RAB6B: variants seen among roughly 807,000 people sequenced by gnomAD.
RAB6B encodes RAB6B, member RAS oncogene family, also known as ras-related protein Rab-6B.
In RAB6B, 7 loss-of-function variants were observed where a neutral mutation model predicts 31.2. The ratio of observed to expected loss-of-function variants is 0.22; its 90% CI spans 0.13 to 0.42. RAB6B has a LOEUF of 0.42. Ranked by LOEUF, RAB6B falls within the 10% of genes least tolerant of loss-of-function variation. RAB6B has a pLI of 1.00. For synonymous variants in RAB6B, 105 were observed against 104.9 expected, an observed-to-expected ratio of 1.00 and a Z score of -0.01; for missense variants, 149 against 280.6, an observed-to-expected ratio of 0.53 and a Z score of 3.35.
At chr3:133,850,301 C>A (rs1013597892) in intron 2 of RAB6B, among the ~76,000 whole-genome samples, 1 of 151,866 alleles carries the variant, frequency 6.6e-6, no homozygotes, top group Non-Finnish European at 1.5e-5. Context: ...AATGTATAAC[C>A]CAAAATTACT....
chr3:133,875,288 A>G (rs1222951326), intron 1 of RAB6B, among the ~76,000 whole-genome samples: 1 of 148,582 alleles, frequency 6.7e-6, no homozygotes, highest in African/African-American at 2.5e-5. Context: ...GTGTGTGTGC[A>G]TGTGTTAAGA....
intron 1 of RAB6B, among the ~76,000 whole-genome samples, chr3:133,887,739 G>A (rs1170710407): frequency 6.6e-6 from 1 of 152,168 alleles, no homozygotes; most frequent in African/African-American, 2.4e-5. Flanking sequence ...GTATCTCCAA[G>A]CCAGAAGGGA....
chr3:133,844,893 T>C (rs1045061007), intron 2 of RAB6B, among the ~76,000 whole-genome samples: 6 of 150,956 alleles, frequency 4.0e-5, no homozygotes, highest in African/African-American at 1.5e-4. Flanking sequence ...CAGTGAGCCA[T>C]GATGACACTA....
intron 1 of RAB6B, among the ~76,000 whole-genome samples, chr3:133,878,517 T>C (rs2692680): frequency 0.32 from 48,449 of 152,014 alleles, 7,905 homozygotes; most frequent in South Asian, 0.37. Context: ...ACCAGCACAC[T>C]CTCACATCAA....
rs536535693 is a variant in RAB6B, at chr3:133,836,714, C to T, written c.495+1452G>A. On this transcript the variant is annotated intron_variant, in intron 6 of 7. Coordinates refer to ENST00000285208, the MANE Select transcript of RAB6B (RefSeq NM_016577.4). ...CCAAAGAGTAGCAGCCCAGTCTCTCCTGCATGCCCCCAGGGAGCAGGAAGG... is the reference window on the plus strand; with the variant it reads ...CCAAAGAGTAGCAGCCCAGTCTCTCTTGCATGCCCCCAGGGAGCAGGAAGG... 9.2e-5 allele frequency among the ~76,000 whole-genome samples: 14 copies of T among 152,200 alleles called. No homozygotes were observed. In the South Asian group the frequency reaches 2.9e-3, roughly 32 times the overall value.
intron 1 of RAB6B, among the ~76,000 whole-genome samples, chr3:133,874,221 T>A (rs1262640815): frequency 2.0e-5 from 3 of 152,232 alleles, no homozygotes; most frequent in Non-Finnish European, 4.4e-5. Flanking sequence ...TCTATAGTCA[T>A]GCTTTGCTTA....
At chr3:133,835,474 G>C (rs1339362466) in intron 6 of RAB6B, among the ~76,000 whole-genome samples, 1 of 26,652 alleles carries the variant, frequency 3.8e-5, no homozygotes, top group East Asian at 8.6e-4. Flanking sequence ...TGGGTTTTCT[G>C]TGTGTGTGTG....
chr3:133,889,442 A>T (rs187168559), intron 1 of RAB6B, among the ~76,000 whole-genome samples: 1,233 of 87,680 alleles, frequency 0.014, 32 homozygotes, highest in African/African-American at 0.022. Flanking sequence ...ATATATATAT[A>T]TATTTATTTT....
At position 133,895,773 on chromosome 3, in the gene RAB6B, C is replaced by T. The variant is rs1282057998; in HGVS notation, c.-307G>A. On this transcript the variant is annotated 5_prime_UTR_variant, in exon 1 of 8. Transcript: ENST00000285208. The stretch of plus-strand genomic sequence containing the variant: ...CCGAGGCGCGGCGCTGGGAGAGAGG[C>T]GCGGGCGGAGCGGGGCGCAGGGACG... 1.3e-5 allele frequency: 5 copies of T among 374,556 alleles called. No homozygotes were observed. Among genetic ancestry groups the T allele is most frequent in the African/African-American group, 2.1e-5 (1 of 46,986 alleles). 23.2% of individuals were successfully genotyped at this position (374,556 alleles called of 1,614,324 possible).
At chr3:133,857,215 C>T (rs1936093452) in intron 2 of RAB6B, among the ~76,000 whole-genome samples, 1 of 152,112 alleles carries the variant, frequency 6.6e-6, no homozygotes, top group Non-Finnish European at 1.5e-5. Context: ...ACTTTAATAC[C>T]TATATGAGCC....
chr3:133,883,399 G>A (rs1936495291), intron 1 of RAB6B, among the ~76,000 whole-genome samples: 2 of 152,152 alleles, frequency 1.3e-5, no homozygotes, highest in Admixed American at 1.3e-4. Context: ...ACTCATCAGT[G>A]GCTCCATGGG....
intron 2 of RAB6B, among the ~76,000 whole-genome samples, chr3:133,863,223 T>C (rs918418812): frequency 1.4e-4 from 22 of 152,192 alleles, no homozygotes; most frequent in Admixed American, 5.9e-4. Context: ...GTCCACTGGC[T>C]AGCCAGTATT....
chr3:133,871,257 T>C (rs1936319336), intron 1 of RAB6B, among the ~76,000 whole-genome samples: 1 of 152,092 alleles, frequency 6.6e-6, no homozygotes, highest in Non-Finnish European at 1.5e-5. Context: ...AATACTAAAA[T>C]GCCAGGCAAT....
At position 133,828,800 on chromosome 3, in the gene RAB6B, G is replaced by T; in HGVS notation, c.615C>A (p.Gly205=). 1 of 1,612,334 alleles carries T rather than the reference G, an allele frequency of 6.2e-7. No individual in the cohort carries two copies. The highest frequency in any genetic ancestry group is 8.5e-7 in the Non-Finnish European group (1 of 1,178,874). ...KPQEPPASEG[G]CSC ...GGTCGGCTCTGCATTAGCAGGAGCA[G>T]CCGCCCTCGCTGGCCGGGGGCTCCT... The change falls in exon 8 of 8, where the codon GGC becomes GGA. Residue 205 remains glycine, a synonymous_variant. Coordinates refer to ENST00000285208, the MANE Select transcript of RAB6B (RefSeq NM_016577.4).
chr3:133,861,042 C>T (rs1395832844), intron 2 of RAB6B, among the ~76,000 whole-genome samples: 1 of 152,236 alleles, frequency 6.6e-6, no homozygotes, highest in Non-Finnish European at 1.5e-5. Flanking sequence ...TCCCCAGCAG[C>T]ACCTGCAGAG....
chr3:133,842,857 G>A (rs572202011), intron 2 of RAB6B, among the ~76,000 whole-genome samples: 1 of 152,208 alleles, frequency 6.6e-6, no homozygotes, highest in Admixed American at 6.5e-5. Flanking sequence ...ACATATAACA[G>A]TACTAAAATT....
chr3:133,872,668 T>C (rs1936342715), intron 1 of RAB6B, among the ~76,000 whole-genome samples: 1 of 152,200 alleles, frequency 6.6e-6, no homozygotes, highest in African/African-American at 2.4e-5. Context: ...GCATGCATCT[T>C]TGGCAGCTCC....
chr3:133,874,974 A>G (rs991762996), intron 1 of RAB6B, among the ~76,000 whole-genome samples: 1 of 152,196 alleles, frequency 6.6e-6, no homozygotes, highest in Non-Finnish European at 1.5e-5. Context: ...ATTTCCTGTG[A>G]TAACAATACT....
chr3:133,832,846 C>T (rs1045303722), intron 7 of RAB6B, among the ~76,000 whole-genome samples: 6 of 152,274 alleles, frequency 3.9e-5, no homozygotes, highest in African/African-American at 1.4e-4. Flanking sequence ...CCAAGGGGCC[C>T]AAAGGTCAGT....
Sources: allele counts gnomAD v4.1 joint callset (sites outside exome capture counted in the v4.1 genomes callset), GRCh38; gene constraint gnomAD v4.1.1; transcripts MANE v1.5; gene names NCBI Gene and HGNC (gene_info 2026-07-23, HGNC 2026-07-21).